The following ZNF430 variants were observed in gnomAD, a reference collection of about 807,000 sequenced individuals.
ZNF430 encodes zinc finger protein 430.
Under a neutral mutation model 56.7 loss-of-function variants are expected in ZNF430, and 35 were observed. That is an observed-to-expected ratio of 0.62 (90% CI 0.47 to 0.82). The LOEUF is 0.82. Among genes scored for constraint, ZNF430 ranks in the 40% least tolerant of loss-of-function variants. ZNF430 has a pLI of 0.00. For synonymous variants in ZNF430, 212 were observed against 224.3 expected, an observed-to-expected ratio of 0.94 and a Z score of 0.49; for missense variants, 574 against 661.0, an observed-to-expected ratio of 0.87 and a Z score of 1.44.
intron 2 of ZNF430, among the ~76,000 whole-genome samples, chr19:21,030,613 A>G (rs117537287): frequency 0.01 from 1,589 of 152,278 alleles, 12 homozygotes; most frequent in Non-Finnish European, 0.016. Context: ...TATTTGTACC[A>G]GAAGTATTTG....
chr19:21,041,209 C>G (rs1269503928), intron 4 of ZNF430, among the ~76,000 whole-genome samples: 2 of 152,088 alleles, frequency 1.3e-5, no homozygotes, highest in Admixed American at 6.5e-5. Context: ...CTCGCTGCAG[C>G]CTCAACCTCC....
In ZNF430 at chr19:21,020,776, G is replaced by GCC. The variant is rs763441720; in HGVS notation, c.-24_-23dup. The GCC allele has an allele frequency of 2.5e-5, 41 of 1,613,470 alleles. No homozygotes were observed. Among genetic ancestry groups the GCC allele is most frequent in the Non-Finnish European group, 2.8e-5 (33 of 1,179,714 alleles). Reference sequence around the variant, plus strand: ...GTATTGGGAGATCTACAGCTAAGACGCCAGGAACCCCTGGAAGCCTAGAAA... The same window carrying GCC: ...GTATTGGGAGATCTACAGCTAAGACGCCCCAGGAACCCCTGGAAGCCTAGAAA... On this transcript the variant is annotated 5_prime_UTR_variant, in exon 1 of 5. Transcript: ENST00000261560.
At chr19:21,022,061 C>A (rs1374502183) in intron 1 of ZNF430, among the ~76,000 whole-genome samples, 3 of 152,120 alleles carry the variant, frequency 2.0e-5, no homozygotes, top group Non-Finnish European at 4.4e-5. Context: ...TGGCCTCGAA[C>A]TCTTGACCTC....
intron 4 of ZNF430, among the ~76,000 whole-genome samples, chr19:21,053,194 G>A (rs1254309836): frequency 6.6e-6 from 1 of 151,984 alleles, no homozygotes; most frequent in Non-Finnish European, 1.5e-5. Context: ...TGGGGTGGAG[G>A]GGGTGTGGTT....
In ZNF430 at chr19:21,057,934, C is replaced by A; in HGVS notation, c.1626C>A (p.Asn542Lys). The change falls in exon 5 of 5, where the codon AAC (asparagine) becomes AAA (lysine). Residue 542 changes from asparagine to lysine, a missense_variant. Physicochemically the swap from Asn to Lys is moderately conservative, Grantham distance 94. This residue lies in a region of ZNF430 where 213 missense variants were observed against 221.0 expected (regional missense o/e 0.96). Coordinates refer to ENST00000261560, the MANE Select transcript of ZNF430 (RefSeq NM_025189.4). ...KVIHTGEKPY[N>K]CEEYGKAFNQ... The stretch of plus-strand genomic sequence containing the variant: ...TTCATACTGGAGAGAAACCCTACAA[C>A]TGTGAAGAATACGGCAAAGCTTTCA... 6.2e-7 allele frequency: 1 copy of A among 1,613,194 alleles called. No homozygotes were observed. Among genetic ancestry groups the A allele is most frequent in the Non-Finnish European group, 8.5e-7 (1 of 1,179,720 alleles).
chr19:21,022,710 A>G, intron 1 of ZNF430, 79 bp from the exon 2 acceptor site: 1 of 1,056,966 alleles, frequency 9.5e-7, no homozygotes. Context: ...TTGTCTGGGG[A>G]TAAACCAAGA....
At chr19:21,034,919 T>C (rs1015157855) in intron 4 of ZNF430, 1 of 152,232 alleles carries the variant, frequency 6.6e-6, no homozygotes, top group African/African-American at 2.4e-5. Context: ...TTTTTTGTTG[T>C]TGTTGTTAAC....
intron 4 of ZNF430, among the ~76,000 whole-genome samples, chr19:21,054,326 G>T (rs1007328078): frequency 6.6e-6 from 1 of 151,564 alleles, no homozygotes; most frequent in African/African-American, 2.4e-5. Flanking sequence ...TATATGTAGA[G>T]CATACGGAGT....
chr19:21,039,761 C>T (rs879332409), intron 4 of ZNF430, among the ~76,000 whole-genome samples: 1 of 152,068 alleles, frequency 6.6e-6, no homozygotes, highest in East Asian at 1.9e-4. Context: ...CCACCGCACC[C>T]GGCCTACTTT....
intron 4 of ZNF430, among the ~76,000 whole-genome samples, chr19:21,051,123 A>G (rs1262745104): frequency 1.3e-5 from 2 of 152,210 alleles, no homozygotes; most frequent in Admixed American, 6.5e-5. Context: ...CTAAATCTCA[A>G]TACACATTAA....
At position 21,020,664 on chromosome 19, in the gene ZNF430, G is replaced by T. The variant is rs1410252483; in HGVS notation, c.-137G>T. 3 of 1,325,240 alleles carry T rather than the reference G, an allele frequency of 2.3e-6. No homozygotes were observed. Among genetic ancestry groups the T allele is most frequent in the Non-Finnish European group, 2.1e-6 (2 of 935,538 alleles). 82.1% of individuals were successfully genotyped at this position (1,325,240 alleles called of 1,614,324 possible). On this transcript the variant is annotated 5_prime_UTR_variant, in exon 1 of 5. Coordinates refer to ENST00000261560, the MANE Select transcript of ZNF430 (RefSeq NM_025189.4). ...GGGTTTGGCGGGGCCTTTGTCCCTC[G>T]CTGTGGCCTGAGCTCCAGGTCTCGT...
intron 2 of ZNF430, among the ~76,000 whole-genome samples, chr19:21,033,102 C>T (rs140347641): frequency 1.8e-3 from 272 of 152,182 alleles, no homozygotes; most frequent in African/African-American, 6.2e-3. Flanking sequence ...TGCCTGTAAT[C>T]CCAGCATTTT....
At chr19:21,027,325 G>A (rs953230309) in intron 2 of ZNF430, among the ~76,000 whole-genome samples, 5 of 152,098 alleles carry the variant, frequency 3.3e-5, no homozygotes, top group African/African-American at 1.2e-4. Context: ...TACCTTCAAT[G>A]CCTAGTTTGT....
chr19:21,048,840 G>A (rs1968230263), intron 4 of ZNF430, among the ~76,000 whole-genome samples: 1 of 151,924 alleles, frequency 6.6e-6, no homozygotes. Context: ...TGGACGGGGT[G>A]GCTGGCCGGG....
chr19:21,031,882 TA>T (rs1445462858), intron 2 of ZNF430, among the ~76,000 whole-genome samples: 2 of 152,184 alleles, frequency 1.3e-5, no homozygotes, highest in African/African-American at 4.8e-5. Context: ...TTAACTACAT[TA>T]AAAAATTCTT....
intron 4 of ZNF430, among the ~76,000 whole-genome samples, chr19:21,055,754 T>C (rs552109897): frequency 1.3e-5 from 2 of 152,220 alleles, no homozygotes; most frequent in Admixed American, 6.5e-5. Context: ...ACAACTGGCC[T>C]TTTTTTGTTT....
intron 2 of ZNF430, among the ~76,000 whole-genome samples, chr19:21,024,096 T>C (rs746941325): frequency 1.3e-5 from 2 of 152,170 alleles, no homozygotes; most frequent in Admixed American, 1.3e-4. Flanking sequence ...AAGGCTAATA[T>C]TGAGCCTGCA....
rs1446343599 is a variant in ZNF430, at chr19:21,056,759, A to G, written c.451A>G (p.Ser151Gly). ...EDLQLRTGCKSVDECNLHKEC... is the reference protein window; with the variant it reads ...EDLQLRTGCKGVDECNLHKEC... Reference sequence around the variant, plus strand: ...TTTACAGTTAAGAACAGGCTGTAAAAGTGTGGATGAGTGTAATCTGCACAA... The same window carrying G: ...TTTACAGTTAAGAACAGGCTGTAAAGGTGTGGATGAGTGTAATCTGCACAA... Residue 151 changes from serine to glycine, a missense_variant, in exon 5 of 5, where the codon AGT becomes GGT. This residue lies in a region of ZNF430 where 346 missense variants were observed against 399.1 expected (regional missense o/e 0.87). Coordinates refer to ENST00000261560, the MANE Select transcript of ZNF430 (RefSeq NM_025189.4). The G allele has an allele frequency of 2.5e-6, 4 of 1,613,716 alleles. No homozygotes were observed. Among genetic ancestry groups the G allele is most frequent in the South Asian group, 1.1e-5 (1 of 90,916 alleles).
At chr19:21,023,229 A>G (rs1396902030) in intron 2 of ZNF430, among the ~76,000 whole-genome samples, 1 of 152,152 alleles carries the variant, frequency 6.6e-6, no homozygotes, top group African/African-American at 2.4e-5. Context: ...TTGAGCACAT[A>G]AGTGAGCAGG....
Sources: allele counts gnomAD v4.1 joint callset (sites outside exome capture counted in the v4.1 genomes callset), GRCh38; gene constraint gnomAD v4.1.1; regional missense constraint gnomAD v4.1.1; transcripts MANE v1.5; gene names NCBI Gene and HGNC (gene_info 2026-07-23, HGNC 2026-07-21).